SERPINB6: variants seen among roughly 807,000 people sequenced by gnomAD.
SERPINB6 encodes the protein serpin B6.
In SERPINB6, 16 loss-of-function variants were observed where a neutral mutation model predicts 26.1. The ratio of observed to expected loss-of-function variants is 0.61; its 90% CI spans 0.42 to 0.93. The LOEUF (loss-of-function observed/expected upper bound fraction) is 0.93. SERPINB6 is among the 40% of genes least tolerant of loss of function. SERPINB6 has a pLI of 0.00. For missense variants in SERPINB6, 420 were observed against 478.0 expected (o/e 0.88, Z 1.13); for synonymous variants, 174 against 176.6 (o/e 0.99, Z 0.11).
intron 1 of SERPINB6, chr6:2,971,016 C>A: frequency 8.2e-7 from 1 of 1,217,042 alleles, no homozygotes; most frequent in Non-Finnish European, 1.0e-6. Flanking sequence ...CTCCGCCTCC[C>A]GCCCGGCTCC....
chr6:2,969,571 A>G (rs1303144177), intron 1 of SERPINB6: 30 of 985,278 alleles, frequency 3.0e-5, no homozygotes, highest in Non-Finnish European at 3.5e-5. Context: ...TAGCATCACC[A>G]GTAACTGAGC....
At chr6:2,961,921 T>C in intron 1 of SERPINB6, 1 of 985,072 alleles carries the variant, frequency 1.0e-6, no homozygotes, top group African/African-American at 1.7e-5. Context: ...GACAAGGTTC[T>C]TGCCACCTTG....
chr6:2,954,845 T>C lies in SERPINB6; in HGVS notation c.313-136A>G, dbSNP rs1410139849. ...ATAATTTACAAATAAATATGAGGAC[T>C]TAACCTAAACTACAACTTCCTAGCT... On this transcript the variant is annotated intron_variant, in intron 3 of 6. Coordinates refer to ENST00000380539, the MANE Select transcript of SERPINB6 (RefSeq NM_004568.6). 35 of 701,692 alleles carry C rather than the reference T, an allele frequency of 5.0e-5. No homozygotes were observed. In the South Asian group the frequency reaches 5.5e-4, roughly 11 times the overall value. 43.5% of individuals were successfully genotyped at this position (701,692 alleles called of 1,614,324 possible). A position where few individuals can be genotyped will look rare whatever the true frequency, so the allele number is the denominator to read the frequency against.
At chr6:2,964,886 G>C (rs1771464995) in intron 1 of SERPINB6, among the ~76,000 whole-genome samples, 1 of 152,190 alleles carries the variant, frequency 6.6e-6, no homozygotes, top group African/African-American at 2.4e-5. Context: ...GCCCAGGCTG[G>C]AATGCAGTTG....
At chr6:2,968,947 C>T (rs980668739) in intron 1 of SERPINB6, 22 of 1,220,382 alleles carry the variant, frequency 1.8e-5, no homozygotes, top group Non-Finnish European at 1.9e-5. Flanking sequence ...AGATGGGGGT[C>T]GGGGGGCTTC....
In SERPINB6 at chr6:2,955,664, A is replaced by T. The variant is rs1296292240; in HGVS notation, c.172T>A (p.Ser58Thr). 2 of 1,614,088 alleles carry T rather than the reference A, an allele frequency of 1.2e-6. No individual in the cohort carries two copies. Among genetic ancestry groups the T allele is most frequent in the African/African-American group, 2.7e-5 (2 of 74,950 alleles). ...CCACCACCGCCACTTTTATTGAAAG[A>T]AAGTATCTGAAATCAAAAACAGAAT... ...NTAAQMAQIL[S>T]FNKSGGGGDI... is the part of the protein sequence containing the mutation. Residue 58 changes from serine (S) to threonine (T), a missense_variant, in exon 3 of 7, where the codon TCT becomes ACT. Coordinates refer to ENST00000380539, the MANE Select transcript of SERPINB6 (RefSeq NM_004568.6).
chr6:2,968,904 C>A (rs1007675315), intron 1 of SERPINB6: 1 of 1,226,816 alleles, frequency 8.2e-7, no homozygotes, highest in African/African-American at 1.6e-5. Context: ...GTGTGGCTAT[C>A]GGTGGTGTTC....
intron 1 of SERPINB6, among the ~76,000 whole-genome samples, chr6:2,962,379 A>C (rs17136068): frequency 0.016 from 2,445 of 152,284 alleles, 41 homozygotes; most frequent in South Asian, 0.06. Flanking sequence ...TGAACTGGAG[A>C]AACCAGACCA....
chr6:2,953,362 C>T (rs1488841944), intron 4 of SERPINB6, among the ~76,000 whole-genome samples, 176 bp from the exon 5 acceptor site: 1 of 152,092 alleles, frequency 6.6e-6, no homozygotes, highest in Non-Finnish European at 1.5e-5. Flanking sequence ...TCTTCTGGTA[C>T]GAAAAACATC....
chr6:2,949,773 T>A (rs188993439), intron 5 of SERPINB6, among the ~76,000 whole-genome samples: 2 of 152,216 alleles, frequency 1.3e-5, no homozygotes, highest in African/African-American at 4.8e-5. Context: ...CTTCCCTGGC[T>A]CCCCATTTAC....
chr6:2,961,198 T>C (rs895775555), intron 1 of SERPINB6: 1 of 152,252 alleles, frequency 6.6e-6, no homozygotes, highest in African/African-American at 2.4e-5. Context: ...ATAAAGCTTG[T>C]TTGCTGTGCT....
chr6:2,965,840 G>A (rs1483913332), intron 1 of SERPINB6, among the ~76,000 whole-genome samples: 1 of 152,148 alleles, frequency 6.6e-6, no homozygotes, highest in African/African-American at 2.4e-5. Flanking sequence ...ATCCCTTTCT[G>A]TAAAAACAGG....
At chr6:2,965,424 T>C (rs1771536010) in intron 1 of SERPINB6, among the ~76,000 whole-genome samples, 1 of 144,008 alleles carries the variant, frequency 6.9e-6, no homozygotes, top group Admixed American at 6.7e-5. Flanking sequence ...CTGGTCAGAC[T>C]AATTTTTTTT....
intron 1 of SERPINB6, chr6:2,969,791 G>T: frequency 1.2e-6 from 1 of 821,938 alleles, no homozygotes; most frequent in Non-Finnish European, 1.5e-6. Flanking sequence ...TGTGTGTTGT[G>T]TGTGTATGTG....
intron 1 of SERPINB6, chr6:2,971,277 G>A: frequency 1.3e-6 from 1 of 765,612 alleles, no homozygotes; most frequent in Non-Finnish European, 1.6e-6. Context: ...CTGCCGCTGC[G>A]AGGCTCCGGA....
chr6:2,969,925 A>C (rs1452780573), intron 1 of SERPINB6: 27 of 738,572 alleles, frequency 3.7e-5, no homozygotes, highest in African/African-American at 5.7e-5. Context: ...TCACGAGGTC[A>C]GGAGTTTGAG....
Position 2,953,213 on chromosome 6 carries a change from T to C in SERPINB6, c.431-27A>G, listed in dbSNP as rs1180961995. On this transcript the variant is annotated intron_variant, in intron 4 of 6. Coordinates refer to ENST00000380539, the MANE Select transcript of SERPINB6 (RefSeq NM_004568.6). ...TGAGCGGAAGAATTCAAGACCGCATTAGATAGGGGCGGCTGCGGATCCCCG... is the reference window on the plus strand; with the variant it reads ...TGAGCGGAAGAATTCAAGACCGCATCAGATAGGGGCGGCTGCGGATCCCCG... The C allele has an allele frequency of 1.9e-6, 3 of 1,613,962 alleles. No individual in the cohort carries two copies. The African/African-American group carries it at 4.0e-5, about 22-fold the overall frequency.
At chr6:2,969,229 CGT>C in intron 1 of SERPINB6, 1 of 985,796 alleles carries the variant, frequency 1.0e-6, no homozygotes, top group Non-Finnish European at 1.2e-6. Context: ...TTTCAGCAAA[CGT>C]GTGAGTAACA....
In SERPINB6 at chr6:2,967,958, G is replaced by C. The variant is rs532291595; in HGVS notation, c.-11+3575C>G. The C allele has an allele frequency of 6.0e-4, 91 of 151,918 alleles. No homozygotes were observed. The highest frequency in any genetic ancestry group is 2.2e-3 in the African/African-American group (90 of 41,410). The allele number at this position is 151,918 out of a possible 1,614,324, so 9.4% of individuals were successfully genotyped here. ...CATTACTGAGTATACAACCAGAGGA[G>C]AGAGGAATAGAAATCATTCTCCCAT... On this transcript the variant is annotated intron_variant, in intron 1 of 6. Coordinates refer to ENST00000380539, the MANE Select transcript of SERPINB6 (RefSeq NM_004568.6). This position sits in a 1 kb window ranked among gnomAD's most constrained non-coding sequence, Gnocchi z 4.3.
Sources: gnomAD v4.1 joint callset for allele counts (sites outside exome capture counted in the v4.1 genomes callset) on GRCh38, gnomAD v4.1.1 for gene constraint, Gnocchi (gnomAD v3.1) non-coding constraint, MANE v1.5 for transcripts, NCBI Gene and HGNC (gene_info 2026-07-23, HGNC 2026-07-21) for gene names.